RIN3: variants seen among roughly 807,000 people sequenced by gnomAD.
The protein encoded by RIN3 is Ras and Rab interactor 3, also known as RAB5 interacting protein 3.
RIN3 carries 54 observed loss-of-function variants against 76.3 expected under a neutral mutation model. The ratio of observed to expected loss-of-function variants is 0.71; its 90% CI spans 0.57 to 0.89. The LOEUF is 0.89. Ranked by LOEUF, RIN3 falls within the 40% of genes least tolerant of loss-of-function variation. The pLI, the probability that RIN3 is intolerant of heterozygous loss-of-function variation, is 0.00. For synonymous variants in RIN3, 576 were observed against 564.0 expected (o/e 1.02, Z -0.30); for missense variants, 1,256 against 1,322.1 (o/e 0.95, Z 0.78).
intron 4 of RIN3, among the ~76,000 whole-genome samples, chr14:92,627,691 T>TG (rs1275849387): frequency 6.6e-6 from 1 of 152,176 alleles, no homozygotes; most frequent in Non-Finnish European, 1.5e-5. Flanking sequence ...TCACAGTGGG[T>TG]GGGGTCCCAA....
Position 92,648,110 on chromosome 14 carries a change from G to C in RIN3, c.533-3472G>C, listed in dbSNP as rs1887270521. Reference sequence around the variant, plus strand: ...TTTCCCTTTTTTTTTTTTTTTTGGAGCATAAAGCCCTGCAATGCCACTGTG... The same window carrying C: ...TTTCCCTTTTTTTTTTTTTTTTGGACCATAAAGCCCTGCAATGCCACTGTG... On this transcript the variant is annotated intron_variant, in intron 5 of 9. Transcript: ENST00000216487. This position sits in a 1 kb window ranked among gnomAD's most constrained non-coding sequence, Gnocchi z 4.1. Among the ~76,000 whole-genome samples the C allele has an allele frequency of 7.3e-6, 1 of 137,862 alleles. No homozygotes were observed. Among genetic ancestry groups the C allele is most frequent in the South Asian group, 2.3e-4 (1 of 4,360 alleles). The allele number at this position is 137,862 out of a possible 152,430, so 90.4% of individuals were successfully genotyped here. A position where few individuals can be genotyped will look rare whatever the true frequency, so the allele number is the denominator to read the frequency against.
At chr14:92,515,100 G>C in intron 1 of RIN3, 1 of 596,046 alleles carries the variant, frequency 1.7e-6, no homozygotes, top group South Asian at 2.0e-5. Flanking sequence ...GGGACTGGGA[G>C]GGGGCCTTAA....
chr14:92,619,180 C>G (rs969828264), intron 4 of RIN3, among the ~76,000 whole-genome samples: 6 of 152,056 alleles, frequency 3.9e-5, no homozygotes, highest in Admixed American at 3.9e-4. Context: ...CTAAACATGT[C>G]AAATAATCCT....
intron 3 of RIN3, among the ~76,000 whole-genome samples, chr14:92,584,038 G>T (rs894993561): frequency 1.3e-5 from 2 of 152,164 alleles, no homozygotes; most frequent in Non-Finnish European, 2.9e-5. Flanking sequence ...CAGTTCCCTG[G>T]CCCAGGAGTT....
intron 3 of RIN3, among the ~76,000 whole-genome samples, chr14:92,611,500 G>A (rs983807197): frequency 4.6e-5 from 7 of 152,072 alleles, no homozygotes; most frequent in Admixed American, 4.6e-4. Context: ...TGATCCACCC[G>A]CCTCGGCCTC....
At chr14:92,542,729 C>T (rs547446940) in intron 1 of RIN3, among the ~76,000 whole-genome samples, 2 of 152,178 alleles carry the variant, frequency 1.3e-5, no homozygotes, top group Non-Finnish European at 2.9e-5. Flanking sequence ...TATTGCTTGG[C>T]AATAAAAAGA....
At chr14:92,661,758 C>CACACACACAAAAAA (rs373869994) in intron 7 of RIN3, among the ~76,000 whole-genome samples, 1 of 133,240 alleles carries the variant, frequency 7.5e-6, no homozygotes, top group Non-Finnish European at 1.5e-5. Context: ...CACACACACA[C>CACACACACAAAAAA]AAAAAATAGA....
In RIN3 at chr14:92,533,863, C is replaced by T. The variant is rs150047898; in HGVS notation, c.44+19887C>T. ...ATACCACTTGTTCCCCAAAAACTTA[C>T]GGAAATAAAAATTTTGTTTTAAAAT... On this transcript the variant is annotated intron_variant, in intron 1 of 9. Transcript: ENST00000216487. 1.7e-3 allele frequency among the ~76,000 whole-genome samples: 257 copies of T among 152,198 alleles called. 1 individual carries two copies. The highest frequency in any genetic ancestry group is 4.4e-3 in the African/African-American group (184 of 41,522).
chr14:92,672,452 G>A (rs1375364359), intron 7 of RIN3, among the ~76,000 whole-genome samples: 1 of 152,144 alleles, frequency 6.6e-6, no homozygotes, highest in Non-Finnish European at 1.5e-5. Flanking sequence ...GAATGCAAGA[G>A]GAAGGAAAGC....
intron 2 of RIN3, among the ~76,000 whole-genome samples, chr14:92,558,542 G>A (rs1029862063): frequency 6.6e-6 from 1 of 152,168 alleles, no homozygotes. Context: ...TTTAGTTTGG[G>A]TTTCCCCAGA....
intron 3 of RIN3, among the ~76,000 whole-genome samples, chr14:92,594,366 A>C (rs1595442078): frequency 7.6e-6 from 1 of 131,294 alleles, no homozygotes. Flanking sequence ...TGGGAGGCAG[A>C]GGTTGCAGTG....
intron 8 of RIN3, among the ~76,000 whole-genome samples, chr14:92,683,690 T>A (rs1031209791): frequency 1.3e-5 from 2 of 152,220 alleles, no homozygotes; most frequent in African/African-American, 4.8e-5. Flanking sequence ...TACAATCGCT[T>A]GAGCCCAGGA....
chr14:92,556,124 A>G (rs958674091), intron 2 of RIN3, among the ~76,000 whole-genome samples, 169 bp downstream of exon 2: 1 of 152,142 alleles, frequency 6.6e-6, no homozygotes, highest in African/African-American at 2.4e-5. Flanking sequence ...CTCCCAGAAC[A>G]CAGGCATGGG....
chr14:92,605,570 A>G (rs12434710), intron 3 of RIN3, among the ~76,000 whole-genome samples: 89 of 152,378 alleles, frequency 5.8e-4, no homozygotes, highest in African/African-American at 2.1e-3. Flanking sequence ...CACACTTCAT[A>G]TGTTAGCAAA....
intron 2 of RIN3, among the ~76,000 whole-genome samples, chr14:92,559,197 ACT>A (rs1897691645): frequency 6.6e-6 from 1 of 151,700 alleles, no homozygotes; most frequent in Non-Finnish European, 1.5e-5. Flanking sequence ...GTAAGATCTG[ACT>A]CTTGCCAGAA....
At chr14:92,575,379 G>A (rs539552395) in intron 2 of RIN3, among the ~76,000 whole-genome samples, 3 of 152,242 alleles carry the variant, frequency 2.0e-5, no homozygotes, top group African/African-American at 7.2e-5. Flanking sequence ...AGAATTTGGG[G>A]TGAGTCCAAA....
chr14:92,524,844 GC>G (rs1896687066), intron 1 of RIN3, among the ~76,000 whole-genome samples: 1 of 152,218 alleles, frequency 6.6e-6, no homozygotes, highest in Admixed American at 6.5e-5. Context: ...CAGCACCCAG[GC>G]CGCTCCATGG....
chr14:92,587,757 G>A (rs1290250587), intron 3 of RIN3, among the ~76,000 whole-genome samples: 2 of 152,114 alleles, frequency 1.3e-5, no homozygotes, highest in Non-Finnish European at 2.9e-5. Flanking sequence ...AGGCCACAGT[G>A]CTTCCTGGGC....
At chr14:92,547,158 T>TATAAA (rs1897296203) in intron 1 of RIN3, among the ~76,000 whole-genome samples, 1 of 80,248 alleles carries the variant, frequency 1.2e-5, no homozygotes, top group African/African-American at 4.7e-5. Context: ...ATTTTATTAT[T>TATAAA]ATAAAATAAA....
Sources: gnomAD v4.1 joint callset for allele counts (sites outside exome capture counted in the v4.1 genomes callset) on GRCh38, gnomAD v4.1.1 for gene constraint, Gnocchi (gnomAD v3.1) non-coding constraint, MANE v1.5 for transcripts, NCBI Gene and HGNC (gene_info 2026-07-23, HGNC 2026-07-21) for gene names.